The following ZNF37A variants were observed in gnomAD, a reference collection of about 807,000 sequenced individuals.
ZNF37A encodes the protein zinc finger protein 37a (KOX 21).
ZNF37A carries 10 observed loss-of-function variants against 12.3 expected under a neutral mutation model. That is an observed-to-expected ratio of 0.82 (90% CI 0.50 to 1.38). The LOEUF is 1.38. ZNF37A is among the 40% of genes most tolerant of loss of function. ZNF37A has a pLI of 0.00. For synonymous variants in ZNF37A, 207 were observed against 223.0 expected, an observed-to-expected ratio of 0.93 and a Z score of 0.64; for missense variants, 580 against 651.2, an observed-to-expected ratio of 0.89 and a Z score of 1.19.
intron 4 of ZNF37A, among the ~76,000 whole-genome samples, 163 bp downstream of exon 4, chr10:38,095,967 A>C (rs2067119203): frequency 6.6e-6 from 1 of 152,064 alleles, no homozygotes; most frequent in Admixed American, 6.5e-5. Context: ...GGGGTGGATC[A>C]AGAGGTCAGG....
chr10:38,112,752 T>C (rs1564931974), intron 5 of ZNF37A, among the ~76,000 whole-genome samples: 1,426 of 125,122 alleles, frequency 0.011, 135 homozygotes, highest in Non-Finnish European at 0.016. Context: ...TTTCTTTTCT[T>C]TTCTTTTCTT....
intron 7 of ZNF37A, chr10:38,142,928 A>G (rs1464644039): frequency 6.6e-6 from 1 of 151,744 alleles, no homozygotes; most frequent in Non-Finnish European, 1.5e-5. Context: ...GTTTAGAAAA[A>G]CTCAAGAAGG....
chr10:38,129,055 G>A (rs1314218333), downstream of ZNF37A, among the ~76,000 whole-genome samples: 2 of 151,860 alleles, frequency 1.3e-5, no homozygotes, highest in African/African-American at 4.8e-5. Flanking sequence ...TCTGGCCAAT[G>A]AAATTCTTTA....
At chr10:38,097,469 T>G (rs1322406227) in intron 5 of ZNF37A, among the ~76,000 whole-genome samples, 1 of 150,778 alleles carries the variant, frequency 6.6e-6, no homozygotes, top group Non-Finnish European at 1.5e-5. Context: ...TCCCAGCTAG[T>G]CAGGAGGCTG....
chr10:38,145,730 A>G (rs2070244614), intron 7 of ZNF37A, among the ~76,000 whole-genome samples: 1 of 152,184 alleles, frequency 6.6e-6, no homozygotes, highest in Admixed American at 6.5e-5. Flanking sequence ...AATACCAGAA[A>G]TGTTCCTCAA....
At chr10:38,101,971 C>T (rs946551812) in intron 5 of ZNF37A, among the ~76,000 whole-genome samples, 1 of 151,694 alleles carries the variant, frequency 6.6e-6, no homozygotes, top group African/African-American at 2.4e-5. Flanking sequence ...TACTGGTGCA[C>T]ACCATGACAC....
chr10:38,125,728 G>T (rs1040328698), downstream of ZNF37A, among the ~76,000 whole-genome samples: 2 of 152,124 alleles, frequency 1.3e-5, no homozygotes, highest in African/African-American at 2.4e-5. Context: ...CTTTTTTGGG[G>T]AATAAACATA....
intron 7 of ZNF37A, chr10:38,137,607 A>G (rs1008188409): frequency 6.6e-6 from 1 of 152,164 alleles, no homozygotes; most frequent in African/African-American, 2.4e-5. Context: ...TTTATTGTCT[A>G]CCCTGGCTCC....
At chr10:38,135,942 T>C (rs946779701) in intron 7 of ZNF37A, among the ~76,000 whole-genome samples, 2 of 152,132 alleles carry the variant, frequency 1.3e-5, no homozygotes, top group African/African-American at 4.8e-5. Flanking sequence ...AGCCAAACCA[T>C]ATCAGAGGCT....
At chr10:38,100,757 G>C (rs1448164957) in intron 5 of ZNF37A, among the ~76,000 whole-genome samples, 3 of 152,132 alleles carry the variant, frequency 2.0e-5, no homozygotes, top group African/African-American at 7.2e-5. Flanking sequence ...TTCCTCAGCT[G>C]ACAGGATTAA....
At chr10:38,117,063 C>A in intron 7 of ZNF37A, 1 of 537,082 alleles carries the variant, frequency 1.9e-6, no homozygotes, top group South Asian at 7.8e-5. Flanking sequence ...GAGCCGAGAT[C>A]ACGTCACTAC....
chr10:38,137,861 A>T (rs2070130821), intron 7 of ZNF37A: 1 of 152,178 alleles, frequency 6.6e-6, no homozygotes, highest in Admixed American at 6.5e-5. Context: ...ATAGAGATGG[A>T]TTTTTGGTAT....
At chr10:38,098,979 T>A (rs1327857369) in intron 5 of ZNF37A, among the ~76,000 whole-genome samples, 1 of 152,218 alleles carries the variant, frequency 6.6e-6, no homozygotes, top group African/African-American at 2.4e-5. Context: ...ACTTCAGTAT[T>A]TTTTGCATAT....
chr10:38,132,288 T>G (rs555727193), intron 7 of ZNF37A, among the ~76,000 whole-genome samples: 1 of 152,150 alleles, frequency 6.6e-6, no homozygotes, highest in Non-Finnish European at 1.5e-5. Flanking sequence ...TATTCCTAGT[T>G]TTCTGAAAGT....
chr10:38,110,127 A>G (rs1178744670), intron 5 of ZNF37A, among the ~76,000 whole-genome samples: 1 of 152,214 alleles, frequency 6.6e-6, no homozygotes, highest in East Asian at 1.9e-4. Context: ...ACAGCATGGT[A>G]CTGGTACCAA....
In ZNF37A at chr10:38,118,223, C is replaced by T. The variant is rs1214061540; in HGVS notation, c.1072C>T (p.His358Tyr). Residue 358 changes from histidine to tyrosine, a missense_variant, in exon 8 of 8, where the codon CAT becomes TAT. Transcript: ENST00000685332. ...THTGEKPYEC[H>Y]ECGKTFSFKS... ...CACAGGGGAGAAACCATATGAATGT[C>T]ATGAATGTGGGAAAACCTTCTCATT... 7.5e-6 allele frequency: 12 copies of T among 1,609,988 alleles called. No individual in the cohort carries two copies. Among genetic ancestry groups the T allele is most frequent in the Non-Finnish European group, 1.0e-5 (12 of 1,178,586 alleles).
chr10:38,131,220 A>G (rs1268396983), intron 7 of ZNF37A, among the ~76,000 whole-genome samples: 3 of 152,146 alleles, frequency 2.0e-5, no homozygotes, highest in African/African-American at 7.2e-5. Context: ...ATCAAGTCCA[A>G]TTGACCAATT....
chr10:38,139,302 G>A (rs1326018494), intron 7 of ZNF37A: 1 of 151,622 alleles, frequency 6.6e-6, no homozygotes, highest in East Asian at 1.9e-4. Flanking sequence ...TGATTATGAG[G>A]CAACTAAAAT....
chr10:38,104,535 T>C (rs1335835837), intron 5 of ZNF37A, among the ~76,000 whole-genome samples: 1 of 152,074 alleles, frequency 6.6e-6, no homozygotes, highest in Non-Finnish European at 1.5e-5. Context: ...CCTTTTCCAT[T>C]TTCAGCCTAC....
Sources: allele counts gnomAD v4.1 joint callset (sites outside exome capture counted in the v4.1 genomes callset), GRCh38; gene constraint gnomAD v4.1.1; transcripts MANE v1.5; gene names NCBI Gene and HGNC (gene_info 2026-07-23, HGNC 2026-07-21).